The following CCDC150 variants were observed in gnomAD, a reference collection of about 807,000 sequenced individuals.
CCDC150 encodes coiled-coil domain-containing protein 150.
In CCDC150, 151 loss-of-function variants were observed where a neutral mutation model predicts 156.5. That is an observed-to-expected ratio of 0.97 (90% CI 0.85 to 1.10). The LOEUF (loss-of-function observed/expected upper bound fraction) is 1.10, where lower values mean the gene tolerates loss of function less well. CCDC150 is among the 50% of genes least tolerant of loss of function. The pLI, the probability that CCDC150 is intolerant of heterozygous loss-of-function variation, is 0.00. For synonymous variants in CCDC150, 452 were observed against 429.4 expected (o/e 1.05, Z -0.65); for missense variants, 1,312 against 1,268.1 (o/e 1.03, Z -0.53).
intron 7 of CCDC150, among the ~76,000 whole-genome samples, chr2:196,668,755 C>G (rs1189833893): frequency 6.6e-6 from 1 of 152,070 alleles, no homozygotes; most frequent in Non-Finnish European, 1.5e-5. Flanking sequence ...ATAAATTGTT[C>G]TTCAAAGTAA....
intron 1 of CCDC150, among the ~76,000 whole-genome samples, chr2:196,642,290 C>A (rs887184752): frequency 6.6e-6 from 1 of 152,098 alleles, no homozygotes; most frequent in African/African-American, 2.4e-5. Flanking sequence ...TAAGACTGTG[C>A]TTCTTAGACT....
chr2:196,677,371 AT>A lies in CCDC150; in HGVS notation c.1509+14del. On this transcript the variant is annotated intron_variant, in intron 13 of 27. Transcript: ENST00000389175. ...ATTAGCTAAAAACAAGGTATTCTTC[AT>A]TTTACTTACTGATATTTCACTATAT... 1 of 1,485,508 alleles carries A rather than the reference AT, an allele frequency of 6.7e-7. No homozygotes were observed. The highest frequency in any genetic ancestry group is 9.2e-7 in the Non-Finnish European group (1 of 1,084,664). The allele number at this position is 1,485,508 out of a possible 1,614,324, so 92.0% of individuals were successfully genotyped here.
At chr2:196,679,805 A>T (rs1694715162) in intron 13 of CCDC150, among the ~76,000 whole-genome samples, 1 of 152,198 alleles carries the variant, frequency 6.6e-6, no homozygotes, top group East Asian at 1.9e-4. Context: ...TTTATCTATT[A>T]GAATTTGTGT....
chr2:196,658,072 T>A (rs1337646145), intron 4 of CCDC150, among the ~76,000 whole-genome samples: 1 of 152,154 alleles, frequency 6.6e-6, no homozygotes, highest in Admixed American at 6.5e-5. Flanking sequence ...TTGAGATTTT[T>A]GATATGGAAG....
At chr2:196,715,886 A>T in intron 17 of CCDC150, among the ~76,000 whole-genome samples, 1 of 152,320 alleles carries the variant, frequency 6.6e-6, no homozygotes, top group Non-Finnish European at 1.5e-5. Flanking sequence ...TTGACAACTT[A>T]TGCTCTTCAG....
At chr2:196,643,648 A>G (rs1692368826) in intron 1 of CCDC150, among the ~76,000 whole-genome samples, 1 of 152,226 alleles carries the variant, frequency 6.6e-6, no homozygotes, top group Non-Finnish European at 1.5e-5. Context: ...TTTTCCAAAG[A>G]CAGACTTTTG....
chr2:196,689,551 G>A (rs1695317880), intron 13 of CCDC150, among the ~76,000 whole-genome samples: 1 of 152,050 alleles, frequency 6.6e-6, no homozygotes, highest in African/African-American at 2.4e-5. Flanking sequence ...CTGTTTGTCT[G>A]TTATTGGTGT....
At chr2:196,720,858 G>A (rs1458869981) in intron 20 of CCDC150, among the ~76,000 whole-genome samples, 190 bp downstream of exon 20, 2 of 152,062 alleles carry the variant, frequency 1.3e-5, no homozygotes, top group East Asian at 1.9e-4. Context: ...TGGCAAACCA[G>A]TACCACAATA....
intron 2 of CCDC150, among the ~76,000 whole-genome samples, chr2:196,650,181 T>C (rs1692792589): frequency 6.6e-6 from 1 of 152,238 alleles, no homozygotes; most frequent in South Asian, 2.1e-4. Context: ...ACCTGATTTG[T>C]TGAGAGTTTT....
At chr2:196,657,360 C>T (rs1269951221) in intron 4 of CCDC150, 1 of 465,142 alleles carries the variant, frequency 2.1e-6, no homozygotes. Context: ...AACCCTTACC[C>T]CATACAAGTG....
In CCDC150 at chr2:196,677,329, T is replaced by G; in HGVS notation, c.1477T>G (p.Cys493Gly). The G allele has an allele frequency of 6.4e-7, 1 of 1,569,150 alleles. No homozygotes were observed. The highest frequency in any genetic ancestry group is 8.7e-7 in the Non-Finnish European group (1 of 1,155,516). ...KTEKEIVQER[C>G]NLEKELAKNK... Reference sequence around the variant, plus strand: ...AGAAAAAGAAATAGTGCAAGAAAGATGCAATTTGGAAAAGGAATTAGCTAA... The same window carrying G: ...AGAAAAAGAAATAGTGCAAGAAAGAGGCAATTTGGAAAAGGAATTAGCTAA... The change falls in exon 13 of 28, where the codon TGC becomes GGC. Residue 493 changes from cysteine (C) to glycine (G), a missense_variant. Physicochemically the swap from Cys to Gly is radical, Grantham distance 159. Transcript: ENST00000389175.
chr2:196,724,515 A>T (rs368427350), intron 21 of CCDC150, among the ~76,000 whole-genome samples: 2 of 152,126 alleles, frequency 1.3e-5, no homozygotes, highest in Non-Finnish European at 2.9e-5. Flanking sequence ...CACATGCATT[A>T]TTTCCTTTAG....
At chr2:196,696,320 A>T (rs976061062) in intron 14 of CCDC150, among the ~76,000 whole-genome samples, 2 of 151,748 alleles carry the variant, frequency 1.3e-5, no homozygotes, top group African/African-American at 4.8e-5. Context: ...GTAAGTGCCT[A>T]TTGGAATGAC....
chr2:196,703,094 A>C (rs985340936), intron 15 of CCDC150, among the ~76,000 whole-genome samples: 3 of 152,224 alleles, frequency 2.0e-5, no homozygotes, highest in African/African-American at 7.2e-5. Context: ...ATTTAATTAC[A>C]TCAGCAGTTA....
chr2:196,711,936 A>G (rs1405494001), intron 15 of CCDC150, among the ~76,000 whole-genome samples: 1 of 152,134 alleles, frequency 6.6e-6, no homozygotes, highest in Non-Finnish European at 1.5e-5. Context: ...CAGTACATTT[A>G]AATGGCTACA....
At chr2:196,708,011 G>A (rs141113874) in intron 15 of CCDC150, among the ~76,000 whole-genome samples, 3,475 of 152,254 alleles carry the variant, frequency 0.023, 57 homozygotes, top group Middle Eastern at 0.041. Flanking sequence ...TTCTGTAGAT[G>A]TCTATTAGGT....
At chr2:196,668,295 TAAAAAAA>T (rs55945331) in intron 7 of CCDC150, among the ~76,000 whole-genome samples, 2 of 92,250 alleles carry the variant, frequency 2.2e-5, no homozygotes, top group Non-Finnish European at 4.4e-5. Flanking sequence ...AAACTCCATC[TAAAAAAA>T]AAAAAAAAAA....
At chr2:196,731,020 G>A in intron 26 of CCDC150, 75 bp downstream of exon 26, 2 of 1,070,118 alleles carry the variant, frequency 1.9e-6, no homozygotes, top group South Asian at 1.5e-5. Context: ...CCAAGTCAAT[G>A]TGAAATCCTT....
At chr2:196,708,178 A>C (rs981912777) in intron 15 of CCDC150, among the ~76,000 whole-genome samples, 2 of 152,112 alleles carry the variant, frequency 1.3e-5, no homozygotes, top group African/African-American at 4.8e-5. Context: ...TCCTTTATGA[A>C]TCTGGGTGCT....
Sources: gnomAD v4.1 joint callset for allele counts (sites outside exome capture counted in the v4.1 genomes callset) on GRCh38, gnomAD v4.1.1 for gene constraint, MANE v1.5 for transcripts, NCBI Gene and HGNC (gene_info 2026-07-23, HGNC 2026-07-21) for gene names.